PAPPA: variants seen among roughly 807,000 people sequenced by gnomAD.
PAPPA encodes the protein pappalysin-1.
Under a neutral mutation model 164.0 loss-of-function variants are expected in PAPPA, and 60 were observed. The ratio of observed to expected loss-of-function variants is 0.37; its 90% CI spans 0.30 to 0.45. The LOEUF is 0.45. PAPPA is among the 20% of genes least tolerant of loss of function. PAPPA has a pLI of 1.00. For synonymous variants in PAPPA, 875 were observed against 814.1 expected, an observed-to-expected ratio of 1.07 and a Z score of -1.27; for missense variants, 1,782 against 2,087.3, an observed-to-expected ratio of 0.85 and a Z score of 2.85.
chr9:116,227,024 A>C (rs1315419347), intron 5 of PAPPA, among the ~76,000 whole-genome samples: 1 of 152,208 alleles, frequency 6.6e-6, no homozygotes, highest in East Asian at 1.9e-4. Flanking sequence ...GGCACATAGT[A>C]GGTACCTGAT....
At chr9:116,160,696 G>A (rs1044360302) in intron 1 of PAPPA, among the ~76,000 whole-genome samples, 2 of 152,182 alleles carry the variant, frequency 1.3e-5, no homozygotes, top group Non-Finnish European at 2.9e-5. Context: ...CGCACCAGCT[G>A]CCCCTTCTCT....
intron 4 of PAPPA, among the ~76,000 whole-genome samples, chr9:116,216,766 G>T (rs1338397957): frequency 6.6e-6 from 1 of 151,974 alleles, no homozygotes; most frequent in Non-Finnish European, 1.5e-5. Flanking sequence ...TTTTGAGGCG[G>T]AGTCTTACTC....
chr9:116,296,366 C>T (rs1388029839), intron 9 of PAPPA, among the ~76,000 whole-genome samples: 1 of 152,142 alleles, frequency 6.6e-6, no homozygotes, highest in African/African-American at 2.4e-5. Flanking sequence ...AAGATAAATC[C>T]GTTGTTACCT....
Position 116,252,056 on chromosome 9 carries a change from T to C in PAPPA, c.2733-13801T>C, listed in dbSNP as rs1166276466. On this transcript the variant is annotated intron_variant, in intron 7 of 21. Coordinates refer to ENST00000328252, the MANE Select transcript of PAPPA (RefSeq NM_002581.5). ...GTGGTAAAAGATGATTAAAACAAAA[T>C]AACAAAGGCCTTGGCTGCAAACTGT... 2.0e-5 allele frequency among the ~76,000 whole-genome samples: 3 copies of C among 152,196 alleles called. No individual in the cohort carries two copies. In the East Asian group the frequency reaches 5.8e-4, roughly 29 times the overall value.
intron 9 of PAPPA, chr9:116,286,955 G>A (rs952079756): frequency 6.6e-6 from 1 of 152,150 alleles, no homozygotes; most frequent in African/African-American, 2.4e-5. Context: ...TGAAGAGCCA[G>A]GTTGTGATCA....
intron 19 of PAPPA, among the ~76,000 whole-genome samples, chr9:116,368,799 T>C (rs1245889254): frequency 6.6e-6 from 1 of 152,186 alleles, no homozygotes; most frequent in Non-Finnish European, 1.5e-5. Context: ...AGCTACTGTC[T>C]GCCTGCCTGC....
At chr9:116,380,703 C>A (rs917312015) in intron 20 of PAPPA, among the ~76,000 whole-genome samples, 2 of 152,232 alleles carry the variant, frequency 1.3e-5, no homozygotes, top group Non-Finnish European at 2.9e-5. Context: ...TATGCATGCA[C>A]ACCCACACAA....
At chr9:116,322,041 A>G (rs1311009447) in intron 10 of PAPPA, among the ~76,000 whole-genome samples, 1 of 152,184 alleles carries the variant, frequency 6.6e-6, no homozygotes, top group Non-Finnish European at 1.5e-5. Flanking sequence ...TTATATCTCA[A>G]TTGGGGATAA....
At chr9:116,292,928 T>G (rs1845454782) in intron 9 of PAPPA, among the ~76,000 whole-genome samples, 1 of 152,076 alleles carries the variant, frequency 6.6e-6, no homozygotes, top group Non-Finnish European at 1.5e-5. Flanking sequence ...TAGGATGACA[T>G]GATGTCATGG....
At chr9:116,203,217 G>T (rs1844191728) in intron 2 of PAPPA, among the ~76,000 whole-genome samples, 1 of 152,224 alleles carries the variant, frequency 6.6e-6, no homozygotes, top group African/African-American at 2.4e-5. Context: ...CATGTACACA[G>T]GTTAGAGCAG....
intron 18 of PAPPA, among the ~76,000 whole-genome samples, chr9:116,363,206 T>C (rs2118633381): frequency 6.6e-6 from 1 of 152,292 alleles, no homozygotes; most frequent in Non-Finnish European, 1.5e-5. Context: ...GAGTACCTGA[T>C]ATAGTTCAGG....
intron 2 of PAPPA, among the ~76,000 whole-genome samples, chr9:116,199,159 C>T (rs1844141407): frequency 6.6e-6 from 1 of 152,202 alleles, no homozygotes; most frequent in East Asian, 1.9e-4. Context: ...GAACCAAATT[C>T]TCAGGATTCT....
At position 116,398,472 on chromosome 9, in the gene PAPPA, T is replaced by C. The variant is rs934960669; in HGVS notation, c.*1856T>C. The C allele has an allele frequency of 1.5e-5, 11 of 725,522 alleles. No individual in the cohort carries two copies. In the African/African-American group the frequency reaches 2.5e-4, roughly 16 times the overall value. The allele number at this position is 725,522 out of a possible 1,614,324, so 44.9% of individuals were successfully genotyped here. The stretch of plus-strand genomic sequence containing the variant: ...CAAGGCAGGTGTTGTTAATCTATCA[T>C]AGCACTTAAAAAAAAAAAAAAAAAG... On this transcript the variant is annotated 3_prime_UTR_variant, in exon 22 of 22. Coordinates refer to ENST00000328252, the MANE Select transcript of PAPPA (RefSeq NM_002581.5).
chr9:116,329,136 T>A (rs541787248), intron 10 of PAPPA, among the ~76,000 whole-genome samples: 2 of 152,046 alleles, frequency 1.3e-5, no homozygotes, highest in Non-Finnish European at 2.9e-5. Flanking sequence ...TTTGCACAGA[T>A]TTATAGATGG....
chr9:116,333,575 C>T (rs1012235065), intron 12 of PAPPA, among the ~76,000 whole-genome samples: 24 of 152,072 alleles, frequency 1.6e-4, no homozygotes, highest in African/African-American at 5.1e-4. Context: ...CAGATAAAAG[C>T]CAAGGGAGCA....
intron 9 of PAPPA, among the ~76,000 whole-genome samples, chr9:116,299,427 T>C (rs534582515): frequency 1.3e-5 from 2 of 152,304 alleles, no homozygotes; most frequent in East Asian, 3.9e-4. Flanking sequence ...TATTGTGGTC[T>C]TTAACATAAT....
At chr9:116,273,832 A>T (rs1394414264) in intron 9 of PAPPA, among the ~76,000 whole-genome samples, 2 of 152,166 alleles carry the variant, frequency 1.3e-5, no homozygotes, top group Non-Finnish European at 2.9e-5. Context: ...ATCCTCCTAG[A>T]TTCATTTTAT....
At chr9:116,321,739 T>C (rs917757394) in intron 10 of PAPPA, among the ~76,000 whole-genome samples, 1 of 152,200 alleles carries the variant, frequency 6.6e-6, no homozygotes, top group African/African-American at 2.4e-5. Flanking sequence ...GAAAGCCATA[T>C]TAGTTTAACA....
At chr9:116,191,397 G>A (rs1039255378) in intron 2 of PAPPA, among the ~76,000 whole-genome samples, 10 of 152,166 alleles carry the variant, frequency 6.6e-5, no homozygotes, top group Admixed American at 3.3e-4. Flanking sequence ...TTGGGGTTGA[G>A]CACTGCACAG....
Sources: allele counts gnomAD v4.1 joint callset (sites outside exome capture counted in the v4.1 genomes callset), GRCh38; gene constraint gnomAD v4.1.1; transcripts MANE v1.5; gene names NCBI Gene and HGNC (gene_info 2026-07-23, HGNC 2026-07-21).